Variants in MALRD1 observed in about 807,000 individuals in gnomAD.
MALRD1 encodes the protein MAM and LDL-receptor class A domain-containing protein 1.
Under a neutral mutation model 242.1 loss-of-function variants are expected in MALRD1, and 247 were observed. That is an observed-to-expected ratio of 1.02 (90% CI 0.92 to 1.13). The LOEUF is 1.13. Ranked by LOEUF, MALRD1 falls within the 50% of genes most tolerant of loss-of-function variation. The pLI is 0.00. For missense variants in MALRD1, 2,989 were observed against 2,533.1 expected (o/e 1.18, Z -3.86); for synonymous variants, 995 against 866.6 (o/e 1.15, Z -2.60).
At chr10:19,161,570 A>T (rs1339362771) in intron 12 of MALRD1, among the ~76,000 whole-genome samples, 1 of 148,350 alleles carries the variant, frequency 6.7e-6, no homozygotes, top group Non-Finnish European at 1.5e-5. Context: ...AAAAAAAAGA[A>T]AATTTCCTTT....
At chr10:19,098,377 C>T (rs1329340519) in intron 4 of MALRD1, among the ~76,000 whole-genome samples, 2 of 151,996 alleles carry the variant, frequency 1.3e-5, no homozygotes, top group African/African-American at 4.8e-5. Context: ...TTCTCAGCAG[C>T]CTCCTATTTA....
At chr10:19,194,073 C>G (rs1316432196) in intron 14 of MALRD1, among the ~76,000 whole-genome samples, 3 of 151,830 alleles carry the variant, frequency 2.0e-5, no homozygotes, top group African/African-American at 4.8e-5. Context: ...TAATAACAAC[C>G]CACCTCATAT....
intron 19 of MALRD1, among the ~76,000 whole-genome samples, chr10:19,260,150 C>T (rs933417803): frequency 1.3e-5 from 2 of 152,086 alleles, no homozygotes; most frequent in African/African-American, 4.8e-5. Context: ...ATTCTATGTG[C>T]CAGATACTAT....
chr10:19,210,101 AC>A (rs1836981003), intron 18 of MALRD1, among the ~76,000 whole-genome samples: 1 of 152,334 alleles, frequency 6.6e-6, no homozygotes, highest in South Asian at 2.1e-4. Context: ...GCTTTATTCA[AC>A]AATCAGTTCC....
At position 19,124,588 on chromosome 10, in the gene MALRD1, A is replaced by C. The variant is rs1837186005; in HGVS notation, c.861A>C (p.Gln287His). 1 of 1,233,842 alleles carries C rather than the reference A, an allele frequency of 8.1e-7. No individual in the cohort carries two copies. The highest frequency in any genetic ancestry group is 1.0e-6 in the Non-Finnish European group (1 of 988,106). The allele number at this position is 1,233,842 out of a possible 1,614,324, so 76.4% of individuals were successfully genotyped here. ...GGACGTCAGAAGCATCTGCTGGCCA[A>C]ATTTCCTGGATGCGCACAAAAGCGA... The part of the protein sequence containing the change: ...CEWTSEASAG[Q>H]ISWMRTKARE... The change falls in exon 7 of 40, where the codon CAA becomes CAC. Residue 287 changes from glutamine to histidine, a missense_variant. Coordinates refer to ENST00000454679, the MANE Select transcript of MALRD1 (RefSeq NM_001142308.3).
At chr10:19,530,331 A>G (rs36184900) in intron 31 of MALRD1, among the ~76,000 whole-genome samples, 84,392 of 119,562 alleles carry the variant, frequency 0.71, 32,595 homozygotes, top group Non-Finnish European at 0.84. Flanking sequence ...TTATATAAAT[A>G]TATAATATTT....
intron 31 of MALRD1, among the ~76,000 whole-genome samples, chr10:19,529,777 C>T (rs986562715): frequency 1.3e-5 from 2 of 151,856 alleles, no homozygotes; most frequent in African/African-American, 4.8e-5. Context: ...CATGGAGAAA[C>T]ATATACCATG....
chr10:19,526,663 C>A (rs1274497793), intron 31 of MALRD1, among the ~76,000 whole-genome samples: 1 of 152,016 alleles, frequency 6.6e-6, no homozygotes, highest in East Asian at 1.9e-4. Context: ...GATAACTCAG[C>A]CCAGAGTCCC....
intron 38 of MALRD1, among the ~76,000 whole-genome samples, chr10:19,701,729 TC>T (rs1350618626): frequency 2.0e-5 from 2 of 99,494 alleles, no homozygotes; most frequent in African/African-American, 7.8e-5. Flanking sequence ...CCCCTCCCTT[TC>T]CCCTTCCCCT....
Position 19,323,969 on chromosome 10 carries a change from A to G in MALRD1, c.3440A>G (p.Tyr1147Cys), listed in dbSNP as rs1191304959. ...DHTQNTTDGW[Y>C]LYADSSNGKF... ...TCCAGAAATACCACTGATGGCTGGT[A>G]CCTGTATGCTGACAGTTCTAATGGG... The change falls in exon 22 of 40, where the codon TAC becomes TGC. Residue 1147 changes from tyrosine (Y) to cysteine (C), a missense_variant. Physicochemically the swap from Tyr to Cys is radical, Grantham distance 194. Coordinates refer to ENST00000454679, the MANE Select transcript of MALRD1 (RefSeq NM_001142308.3). 5 of 1,550,652 alleles carry G rather than the reference A, an allele frequency of 3.2e-6. No homozygotes were observed. The highest frequency in any genetic ancestry group is 4.9e-5 in the East Asian group (2 of 40,920).
intron 35 of MALRD1, among the ~76,000 whole-genome samples, chr10:19,610,727 C>T (rs1838855878): frequency 2.0e-5 from 3 of 151,974 alleles, no homozygotes; most frequent in Admixed American, 1.3e-4. Flanking sequence ...CTCTAACAGG[C>T]TTTGGAGTCA....
chr10:19,464,806 G>C (rs1304455916), intron 29 of MALRD1, among the ~76,000 whole-genome samples: 1 of 152,124 alleles, frequency 6.6e-6, no homozygotes, highest in Non-Finnish European at 1.5e-5. Flanking sequence ...TGGCAGGATG[G>C]TCATTTTCAC....
At chr10:19,630,050 T>A (rs2131644518) in intron 36 of MALRD1, among the ~76,000 whole-genome samples, 1 of 152,322 alleles carries the variant, frequency 6.6e-6, no homozygotes, top group Admixed American at 6.5e-5. Flanking sequence ...ACTTTTCTTA[T>A]CCTCTGAAAG....
At chr10:19,697,518 T>A (rs144417608) in intron 38 of MALRD1, among the ~76,000 whole-genome samples, 135 of 152,084 alleles carry the variant, frequency 8.9e-4, no homozygotes, top group Non-Finnish European at 1.5e-3. Flanking sequence ...TCGGGCATCA[T>A]AGCCTAGCCA....
At chr10:19,443,281 CA>C (rs1834773493) in intron 28 of MALRD1, among the ~76,000 whole-genome samples, 1 of 152,120 alleles carries the variant, frequency 6.6e-6, no homozygotes. Flanking sequence ...CTCCTGGATT[CA>C]TTGATTTTTT....
Position 19,267,174 on chromosome 10 carries a change from TTC to T in MALRD1, c.3079+9407_3079+9408del, listed in dbSNP as rs536423691. On this transcript the variant is annotated intron_variant, in intron 19 of 39. Transcript: ENST00000454679. ...TGAAAAATAATTTATGTGCTCTTTA[TTC>T]TCTTTTAAATTTTCAGATATCAGCA... Among the ~76,000 whole-genome samples the T allele has an allele frequency of 9.5e-4, 145 of 152,224 alleles. 2 individuals carry two copies. In the South Asian group the frequency reaches 0.018, roughly 19 times the overall value.
At position 19,146,244 on chromosome 10, in the gene MALRD1, G is replaced by A. The variant is rs1015982311; in HGVS notation, c.1458G>A (p.Glu486=). 4.1e-6 allele frequency: 5 copies of A among 1,231,536 alleles called. No homozygotes were observed. The African/African-American group carries it at 6.2e-5, about 15-fold the overall frequency. 76.3% of individuals were successfully genotyped at this position (1,231,536 alleles called of 1,614,324 possible). A position where few individuals can be genotyped will look rare whatever the true frequency, so the allele number is the denominator to read the frequency against. The change falls in exon 11 of 40, where the codon GAG becomes GAA. Residue 486 remains glutamate (E), a synonymous_variant. Transcript: ENST00000454679. Reference sequence around the variant, plus strand: ...TTGAGTCGGGTTTCTGCGGTTGGGAGCCATTTCTCACAGAAGATTCACACT... The same window carrying A: ...TTGAGTCGGGTTTCTGCGGTTGGGAACCATTTCTCACAGAAGATTCACACT... The part of the protein sequence containing the change: ...CDFESGFCGW[E]PFLTEDSHWK...
chr10:19,359,873 C>G lies in MALRD1; in HGVS notation c.4441+7576C>G, dbSNP rs116143267. Among the ~76,000 whole-genome samples the G allele has an allele frequency of 7.9e-3, 1,195 of 152,164 alleles. 16 individuals carry two copies. Among genetic ancestry groups the G allele is most frequent in the Middle Eastern group, 0.031 (9 of 294 alleles). Reference sequence around the variant, plus strand: ...AAAGAAGACAGCAGTGAAGACCCAACAAACCAGCTCATCACACGGATAGAC... The same window carrying G: ...AAAGAAGACAGCAGTGAAGACCCAAGAAACCAGCTCATCACACGGATAGAC... On this transcript the variant is annotated intron_variant, in intron 26 of 39. Coordinates refer to ENST00000454679, the MANE Select transcript of MALRD1 (RefSeq NM_001142308.3).
rs373770479 is a variant in MALRD1 at position 19,176,468 on chromosome 10, G to A, written c.1951+1140G>A. 3.2e-3 allele frequency among the ~76,000 whole-genome samples: 440 copies of A among 138,700 alleles called. 8 individuals carry two copies. The East Asian group carries it at 0.052, about 16-fold the overall frequency. 91.0% of individuals were successfully genotyped at this position (138,700 alleles called of 152,430 possible). A position where few individuals can be genotyped will look rare whatever the true frequency, so the allele number is the denominator to read the frequency against. On this transcript the variant is annotated intron_variant, in intron 14 of 39. Coordinates refer to ENST00000454679, the MANE Select transcript of MALRD1 (RefSeq NM_001142308.3). Reference sequence around the variant, plus strand: ...CGGCTCACTGCAAGCTCCGCTTCCCGGGTTCAAGCCATTCTCCTGCCTCAG... The same window carrying A: ...CGGCTCACTGCAAGCTCCGCTTCCCAGGTTCAAGCCATTCTCCTGCCTCAG...
Sources: allele counts gnomAD v4.1 joint callset (sites outside exome capture counted in the v4.1 genomes callset), GRCh38; gene constraint gnomAD v4.1.1; transcripts MANE v1.5; gene names NCBI Gene and HGNC (gene_info 2026-07-23, HGNC 2026-07-21).